BRDT: variants seen among roughly 807,000 people sequenced by gnomAD.
BRDT encodes bromodomain testis associated.
BRDT carries 77 observed loss-of-function variants against 113.9 expected under a neutral mutation model. The observed-to-expected ratio is 0.68, with a 90% confidence interval of 0.56 to 0.82. The LOEUF (loss-of-function observed/expected upper bound fraction) is 0.82. BRDT is among the 40% of genes least tolerant of loss of function. The pLI, the probability that BRDT is intolerant of heterozygous loss-of-function variation, is 0.00. For synonymous variants in BRDT, 358 were observed against 366.5 expected (o/e 0.98, Z 0.26); for missense variants, 1,027 against 1,105.4 (o/e 0.93, Z 1.01).
intron 4 of BRDT, among the ~76,000 whole-genome samples, chr1:91,972,409 T>TC (rs1683715122): frequency 6.6e-6 from 1 of 152,162 alleles, no homozygotes; most frequent in Admixed American, 6.5e-5. Flanking sequence ...TATATTTCCT[T>TC]CCTAACACTT....
At position 92,005,201 on chromosome 1, in the gene BRDT, C is replaced by T; in HGVS notation, c.2677C>T (p.Gln893Ter). The change falls in exon 18 of 19, where the codon CAG (glutamine) becomes TAG (stop). Residue 893 changes from glutamine (Q) to a stop codon, truncating the protein, a stop_gained. Transcript: ENST00000399546. LOFTEE classifies it high-confidence loss of function. ...CTCTGGAGAAGAGCAGAAAGAACAT[C>T]AGCAGTCATCAGAAGCTCAAGATAA... is the stretch of plus-strand genomic sequence containing the variant. ...KCSGEEQKEH[Q>*]QSSEAQDKSK... 6.3e-7 allele frequency: 1 copy of T among 1,586,464 alleles called. No homozygotes were observed. Among genetic ancestry groups the T allele is most frequent in the South Asian group, 1.2e-5 (1 of 86,414 alleles).
In BRDT at chr1:91,981,612, T is replaced by A. The variant is rs766129165; in HGVS notation, c.1865-6T>A. 18 of 1,611,816 alleles carry A rather than the reference T, an allele frequency of 1.1e-5. No individual in the cohort carries two copies. The highest frequency in any genetic ancestry group is 1.5e-5 in the Non-Finnish European group (18 of 1,179,336). On this transcript the variant is annotated splice_region_variant and splice_polypyrimidine_tract_variant and intron_variant, in intron 11 of 18. Coordinates refer to ENST00000399546, the MANE Select transcript of BRDT (RefSeq NM_207189.4). ...TGGCATTTTAATATGTTTCTCTGTT[T>A]TGTAGCTGATAAAACGCAACCATCC...
At chr1:91,978,069 T>G in intron 6 of BRDT, 99 bp from the exon 7 acceptor site, 1 of 1,153,594 alleles carries the variant, frequency 8.7e-7, no homozygotes, top group Non-Finnish European at 1.2e-6. Flanking sequence ...CTGTTTTCTG[T>G]ATATTTGAAT....
intron 4 of BRDT, among the ~76,000 whole-genome samples, chr1:91,969,726 G>A (rs2101614420): frequency 6.6e-6 from 1 of 151,852 alleles, no homozygotes; most frequent in Middle Eastern, 3.4e-3. Flanking sequence ...TTTTATCTGA[G>A]GGAAACATAC....
intron 12 of BRDT, among the ~76,000 whole-genome samples, chr1:91,982,815 T>C (rs1283204318): frequency 6.6e-6 from 1 of 152,224 alleles, no homozygotes; most frequent in Non-Finnish European, 1.5e-5. Flanking sequence ...TTTGTCATAC[T>C]AGAAAATTTA....
intron 12 of BRDT, among the ~76,000 whole-genome samples, chr1:91,986,116 T>C (rs879260864): frequency 6.6e-6 from 1 of 152,188 alleles, no homozygotes; most frequent in African/African-American, 2.4e-5. Flanking sequence ...ATAACTAAAA[T>C]CAATAAATGT....
In BRDT at chr1:91,991,192, C is replaced by A; in HGVS notation, c.2011C>A (p.Pro671Thr). 6.5e-7 allele frequency: 1 copy of A among 1,532,616 alleles called. No homozygotes were observed. Among genetic ancestry groups the A allele is most frequent in the South Asian group, 1.2e-5 (1 of 84,872 alleles). 94.9% of individuals were successfully genotyped at this position (1,532,616 alleles called of 1,614,324 possible). A position where few individuals can be genotyped will look rare whatever the true frequency, so the allele number is the denominator to read the frequency against. The change falls in exon 13 of 19, where the codon CCT becomes ACT. Residue 671 changes from proline (P) to threonine (T), a missense_variant. Pro to Thr is a conservative substitution (Grantham distance 38). Coordinates refer to ENST00000399546, the MANE Select transcript of BRDT (RefSeq NM_207189.4). ...TGTGTATACATTTGCAGAAATGTTC[C>A]CTAAGTTTACAGAAGTAAAACCAAA... ...DSSDSESEMF[P>T]KFTEVKPNDS...
At chr1:91,968,283 T>G (rs772271165) in intron 4 of BRDT, 23 bp downstream of exon 4, 1 of 1,609,840 alleles carries the variant, frequency 6.2e-7, no homozygotes, top group Non-Finnish European at 8.5e-7. Context: ...GTAAACACTT[T>G]ATGGTTCTCT....
In BRDT at chr1:91,981,339, G is replaced by C. The variant is rs145501619; in HGVS notation, c.1822G>C (p.Asp608His). Residue 608 changes from aspartate (D) to histidine (H), a missense_variant, in exon 11 of 19, where the codon GAT becomes CAT. Coordinates refer to ENST00000399546, the MANE Select transcript of BRDT (RefSeq NM_207189.4). ...KKQELEKRLLDVNNQLNSRKR... is the reference protein window; with the variant it reads ...KKQELEKRLLHVNNQLNSRKR... ...ACAGGAATTGGAAAAGCGGTTACTGGATGTTAATAATCAGTTAAATTCTAG... is the reference window on the plus strand; with the variant it reads ...ACAGGAATTGGAAAAGCGGTTACTGCATGTTAATAATCAGTTAAATTCTAG... 6.2e-7 allele frequency: 1 copy of C among 1,613,968 alleles called. No individual in the cohort carries two copies. The highest frequency in any genetic ancestry group is 8.5e-7 in the Non-Finnish European group (1 of 1,179,998).
At chr1:91,968,964 C>A (rs995386459) in intron 4 of BRDT, among the ~76,000 whole-genome samples, 1 of 151,198 alleles carries the variant, frequency 6.6e-6, no homozygotes, top group Non-Finnish European at 1.5e-5. Flanking sequence ...GAGACGGAGT[C>A]TTCACTCTGT....
At chr1:91,973,865 A>G (rs1683860627) in intron 4 of BRDT, among the ~76,000 whole-genome samples, 1 of 152,140 alleles carries the variant, frequency 6.6e-6, no homozygotes, top group East Asian at 1.9e-4. Flanking sequence ...CAAGTTTTCG[A>G]AGGGAAAAGT....
At chr1:91,966,932 G>T (rs755802764) in intron 3 of BRDT, among the ~76,000 whole-genome samples, 5 of 152,074 alleles carry the variant, frequency 3.3e-5, no homozygotes, top group Non-Finnish European at 7.3e-5. Flanking sequence ...AGCCAGACGC[G>T]GTGGCAGGCA....
At chr1:92,007,200 T>C (rs75660141) in intron 18 of BRDT, among the ~76,000 whole-genome samples, 11,420 of 152,048 alleles carry the variant, frequency 0.075, 530 homozygotes, top group African/African-American at 0.13. Context: ...CTCTCTCTCT[T>C]TTTTTTTCTG....
At chr1:91,949,916 G>A (rs1680865461) in intron 1 of BRDT, 1 of 152,240 alleles carries the variant, frequency 6.6e-6, no homozygotes, top group African/African-American at 2.4e-5. Context: ...GACTGGTGTG[G>A]ATCGCTGCTG....
chr1:91,985,281 C>T (rs971478605), intron 12 of BRDT, among the ~76,000 whole-genome samples: 3 of 150,526 alleles, frequency 2.0e-5, no homozygotes, highest in African/African-American at 7.3e-5. Flanking sequence ...AGGATGGTCT[C>T]GATCTCCTGA....
chr1:91,960,199 TATA>T (rs1185979762), intron 1 of BRDT, among the ~76,000 whole-genome samples: 3 of 152,200 alleles, frequency 2.0e-5, no homozygotes, highest in Non-Finnish European at 4.4e-5. Flanking sequence ...CTTGTGTATA[TATA>T]TCCAAAAGAA....
chr1:91,962,724 T>C lies in BRDT; in HGVS notation c.-31T>C. The C allele has an allele frequency of 6.6e-7, 1 of 1,521,120 alleles. No individual in the cohort carries two copies. The highest frequency in any genetic ancestry group is 2.2e-5 in the Admixed American group (1 of 45,834). The allele number at this position is 1,521,120 out of a possible 1,614,324, so 94.2% of individuals were successfully genotyped here. The stretch of plus-strand genomic sequence containing the variant: ...CTCAGTTTTTGTTTTTCAGGACATG[T>C]ACTTGTAGACAGGATTCAAAGCAGT... On this transcript the variant is annotated 5_prime_UTR_variant, in exon 2 of 19. Coordinates refer to ENST00000399546, the MANE Select transcript of BRDT (RefSeq NM_207189.4).
intron 12 of BRDT, among the ~76,000 whole-genome samples, chr1:91,989,219 G>C (rs1685553799): frequency 6.6e-6 from 1 of 151,982 alleles, no homozygotes; most frequent in Non-Finnish European, 1.5e-5. Flanking sequence ...TTGTACTAAA[G>C]AGTTTATATT....
At chr1:91,990,453 T>A (rs1282076042) in intron 12 of BRDT, among the ~76,000 whole-genome samples, 1 of 152,218 alleles carries the variant, frequency 6.6e-6, no homozygotes, top group African/African-American at 2.4e-5. Flanking sequence ...CTTTATTTTT[T>A]AAATTAAGCC....
Sources: allele counts gnomAD v4.1 joint callset (sites outside exome capture counted in the v4.1 genomes callset), GRCh38; gene constraint gnomAD v4.1.1; transcripts MANE v1.5; gene names NCBI Gene and HGNC (gene_info 2026-07-23, HGNC 2026-07-21).